Variants in KANSL3 observed in about 807,000 individuals in gnomAD.
KANSL3 encodes KAT8 regulatory NSL complex subunit 3, also known as NSL complex protein NSL3.
KANSL3 carries 16 observed loss-of-function variants against 89.2 expected under a neutral mutation model. The observed-to-expected ratio is 0.18, with a 90% CI of 0.12 to 0.27. The LOEUF is 0.27. Among genes scored for constraint, KANSL3 ranks in the 10% least tolerant of loss-of-function variants. The pLI, the probability that KANSL3 is intolerant of heterozygous loss-of-function variation, is 1.00. For missense variants in KANSL3, 879 were observed against 1,110.6 expected, an observed-to-expected ratio of 0.79 and a Z score of 2.96; for synonymous variants, 385 against 419.7, an observed-to-expected ratio of 0.92 and a Z score of 1.01.
intron 19 of KANSL3, 160 bp downstream of exon 19, chr2:96,601,956 A>C: frequency 8.3e-7 from 1 of 1,203,378 alleles, no homozygotes; most frequent in Non-Finnish European, 1.1e-6. Context: ...GTGTTCTCTC[A>C]ACCTCTCTGG....
chr2:96,620,863 A>C (rs1408723505), intron 3 of KANSL3, among the ~76,000 whole-genome samples: 1 of 152,002 alleles, frequency 6.6e-6, no homozygotes, highest in Non-Finnish European at 1.5e-5. Flanking sequence ...TTAGCTGGGC[A>C]TGGTGGTGCG....
chr2:96,631,075 CCTA>C (rs1466814141), intron 3 of KANSL3, among the ~76,000 whole-genome samples: 5 of 152,164 alleles, frequency 3.3e-5, no homozygotes, highest in South Asian at 4.1e-4. Context: ...ACATTATATG[CCTA>C]CTGTGTGCCA....
downstream of KANSL3, among the ~76,000 whole-genome samples, chr2:96,592,796 G>A (rs1388171073): frequency 1.3e-5 from 2 of 152,158 alleles, no homozygotes; most frequent in Non-Finnish European, 2.9e-5. Context: ...AAGGTCAGGA[G>A]TTTGAGACCA....
chr2:96,611,256 T>C (rs1053211553), intron 9 of KANSL3, 118 bp from the exon 10 acceptor site: 1 of 779,840 alleles, frequency 1.3e-6, no homozygotes. Context: ...TCTCCTGTCC[T>C]AATATCCGGG....
chr2:96,585,928 T>G, the KANSL3 span, among the ~76,000 whole-genome samples: 2 of 152,116 alleles, frequency 1.3e-5, no homozygotes, highest in Non-Finnish European at 2.9e-5. Context: ...CACAAAGGCA[T>G]AAGAATGATA....
At chr2:96,629,846 G>A (rs2073071792) in intron 3 of KANSL3, among the ~76,000 whole-genome samples, 1 of 152,006 alleles carries the variant, frequency 6.6e-6, no homozygotes, top group African/African-American at 2.4e-5. Flanking sequence ...CCAAAATTAT[G>A]GAAAGTTACC....
intron 14 of KANSL3, chr2:96,607,068 T>C: frequency 7.9e-7 from 1 of 1,271,652 alleles, no homozygotes; most frequent in Non-Finnish European, 1.0e-6. Flanking sequence ...TCAGAAAGAA[T>C]TACAGAATCA....
intron 5 of KANSL3, among the ~76,000 whole-genome samples, chr2:96,617,581 A>G (rs1359304447): frequency 1.3e-5 from 2 of 152,088 alleles, no homozygotes; most frequent in Non-Finnish European, 2.9e-5. Flanking sequence ...AAAGTGTCAA[A>G]AACTGAATCA....
chr2:96,598,908 C>CAAA lies in KANSL3; in HGVS notation c.2616+2732_2616+2734dup, dbSNP rs10551331. On this transcript the variant is annotated intron_variant, in intron 20 of 20. Coordinates refer to ENST00000431828, the MANE Select transcript of KANSL3 (RefSeq NM_001115016.3). ...CTGGGTGACAAGAGTGAGACTGTCT[C>CAAA]AAAAAAAAAAAAAAAAAAAAAAAAA... Among the ~76,000 whole-genome samples the CAAA allele has an allele frequency of 2.4e-4, 11 of 44,946 alleles. 1 individual carries two copies. Among genetic ancestry groups the CAAA allele is most frequent in the Non-Finnish European group, 4.4e-4 (10 of 22,710 alleles). The allele number at this position is 44,946 out of a possible 152,430, so 29.5% of individuals were successfully genotyped here.
rs563677689 is a variant in KANSL3, at chr2:96,624,227, G to T, written c.387-4465C>A. 1.5e-3 allele frequency among the ~76,000 whole-genome samples: 232 copies of T among 152,294 alleles called. 1 individual carries two copies. Among genetic ancestry groups the T allele is most frequent in the African/African-American group, 5.2e-3 (216 of 41,556 alleles). ...CCTGTTTTCTGTCCATTACTTAGAT[G>T]CACAGCAGACTCACAAGAGTAGTAG... On this transcript the variant is annotated intron_variant, in intron 3 of 20. Coordinates refer to ENST00000431828, the MANE Select transcript of KANSL3 (RefSeq NM_001115016.3).
chr2:96,611,840 T>A (rs1456003264), intron 9 of KANSL3, among the ~76,000 whole-genome samples: 1 of 151,290 alleles, frequency 6.6e-6, no homozygotes, highest in Non-Finnish European at 1.5e-5. Flanking sequence ...GGGAGAACAG[T>A]ATGGTACTTA....
downstream of KANSL3, among the ~76,000 whole-genome samples, chr2:96,592,995 T>A (rs1369080363): frequency 6.7e-6 from 1 of 149,722 alleles, no homozygotes. Flanking sequence ...AATGCGAGAC[T>A]CCATCTCGAA....
rs755859306 is a variant in KANSL3 at position 96,604,913 on chromosome 2, A to G, written c.1934-50T>C. On this transcript the variant is annotated intron_variant, in intron 15 of 20. Coordinates refer to ENST00000431828, the MANE Select transcript of KANSL3 (RefSeq NM_001115016.3). ...CCCTGGTCAGTCCTATTTGGCCTCT[A>G]TGTTTCCAGGTTCCACAGCTTAGGC... 25 of 1,470,994 alleles carry G rather than the reference A, an allele frequency of 1.7e-5. No homozygotes were observed. In the South Asian group the frequency reaches 3.1e-4, roughly 18 times the overall value. 91.1% of individuals were successfully genotyped at this position (1,470,994 alleles called of 1,614,324 possible).
intron 2 of KANSL3, 129 bp downstream of exon 2, chr2:96,636,792 G>A (rs753035826): frequency 3.0e-5 from 23 of 759,172 alleles, no homozygotes; most frequent in Non-Finnish European, 4.8e-5. Flanking sequence ...CTGCTTAAGA[G>A]ATGCCTGAAT....
At chr2:96,626,838 A>G (rs1256467806) in intron 3 of KANSL3, among the ~76,000 whole-genome samples, 2 of 152,234 alleles carry the variant, frequency 1.3e-5, no homozygotes, top group South Asian at 4.1e-4. Context: ...CACTTTTTCT[A>G]TAAGAGGCCG....
intron 3 of KANSL3, among the ~76,000 whole-genome samples, chr2:96,629,993 A>G (rs577609514): frequency 5.3e-5 from 8 of 152,334 alleles, no homozygotes; most frequent in African/African-American, 1.7e-4. Flanking sequence ...TAGAATGGTT[A>G]TAATTTTTTT....
rs959099190 is a variant in KANSL3 at position 96,596,455 on chromosome 2, G to A, written c.2617-824C>T. Among the ~76,000 whole-genome samples the A allele has an allele frequency of 4.6e-5, 7 of 152,178 alleles. No homozygotes were observed. In the East Asian group the frequency reaches 5.8e-4, roughly 13 times the overall value. Reference sequence around the variant, plus strand: ...TATAGGCCCAGCTACTCGGGAGGCCGAGGCCACAGGATTGTTTGAGCCCAA... The same window carrying A: ...TATAGGCCCAGCTACTCGGGAGGCCAAGGCCACAGGATTGTTTGAGCCCAA... On this transcript the variant is annotated intron_variant, in intron 20 of 20. Transcript: ENST00000431828.
At chr2:96,581,819 G>C in the KANSL3 span, among the ~76,000 whole-genome samples, 1 of 152,008 alleles carries the variant, frequency 6.6e-6, no homozygotes, top group East Asian at 1.9e-4. Context: ...CAAACACAGA[G>C]AAAAAAATGG....
At chr2:96,604,187 C>A in intron 17 of KANSL3, 63 bp downstream of exon 17, 12 of 1,517,004 alleles carry the variant, frequency 7.9e-6, no homozygotes, top group Non-Finnish European at 8.8e-6. Flanking sequence ...TTCCCAGGAC[C>A]ACCCAGAAGC....
Sources: allele counts gnomAD v4.1 joint callset (sites outside exome capture counted in the v4.1 genomes callset), GRCh38; gene constraint gnomAD v4.1.1; transcripts MANE v1.5; gene names NCBI Gene and HGNC (gene_info 2026-07-23, HGNC 2026-07-21).